PDE12: variants seen among roughly 807,000 people sequenced by gnomAD.
PDE12 encodes the protein 2',5'-phosphodiesterase 12.
PDE12 carries 26 observed loss-of-function variants against 45.4 expected under a neutral mutation model. The observed-to-expected ratio is 0.57, with a 90% confidence interval of 0.42 to 0.79. PDE12 has a LOEUF of 0.79. Ranked by LOEUF, PDE12 falls within the 30% of genes least tolerant of loss-of-function variation. PDE12 has a pLI of 0.00. For synonymous variants in PDE12, 283 were observed against 323.9 expected (o/e 0.87, Z 1.36); for missense variants, 668 against 790.0 (o/e 0.85, Z 1.85).
the PDE12 span, chr3:57,654,928 C>T: frequency 3.0e-6 from 1 of 337,884 alleles, no homozygotes; most frequent in South Asian, 1.2e-4. Flanking sequence ...AGCACAGTCA[C>T]AAATAAAGCA....
the PDE12 span, chr3:57,600,264 ATCTG>A: frequency 2.0e-5 from 3 of 152,282 alleles, no homozygotes; most frequent in African/African-American, 7.2e-5. Context: ...AGCTCAACCA[ATCTG>A]TCTGCCTTGG....
At position 57,560,137 on chromosome 3, in the gene PDE12, A is replaced by T. The variant is rs2069712079; in HGVS notation, c.*133A>T. 45 of 1,430,832 alleles carry T rather than the reference A, an allele frequency of 3.1e-5. No individual in the cohort carries two copies. Among genetic ancestry groups the T allele is most frequent in the Non-Finnish European group, 4.1e-5 (45 of 1,098,554 alleles). 88.6% of individuals were successfully genotyped at this position (1,430,832 alleles called of 1,614,324 possible). A position where few individuals can be genotyped will look rare whatever the true frequency, so the allele number is the denominator to read the frequency against. On this transcript the variant is annotated 3_prime_UTR_variant, in exon 3 of 3. Transcript: ENST00000311180. ...TTCAGCCCTCCTAGTTATGTTCCTG[A>T]TGTCTTCGTTATGAAACTGTTGATG... is the stretch of plus-strand genomic sequence containing the variant.
At chr3:57,643,232 A>C in the PDE12 span, among the ~76,000 whole-genome samples, 1 of 152,180 alleles carries the variant, frequency 6.6e-6, no homozygotes, top group East Asian at 1.9e-4. Context: ...ACAAAGGAGA[A>C]ATTTATGACA....
chr3:57,634,360 G>A, the PDE12 span, among the ~76,000 whole-genome samples: 22 of 151,634 alleles, frequency 1.5e-4, no homozygotes, highest in Middle Eastern at 3.4e-3. Context: ...TTGAACCCGG[G>A]AGGTGGAGGT....
chr3:57,564,288 C>T lies in PDE12; in HGVS notation c.*4284C>T, dbSNP rs1021663383. 3 of 152,130 alleles carry T rather than the reference C, an allele frequency of 2.0e-5. No individual in the cohort carries two copies. The highest frequency in any genetic ancestry group is 7.2e-5 in the African/African-American group (3 of 41,446). The allele number at this position is 152,130 out of a possible 1,614,324, so 9.4% of individuals were successfully genotyped here. A position where few individuals can be genotyped will look rare whatever the true frequency, so the allele number is the denominator to read the frequency against. ...TCTTAAATATAGTAAATCTGTTCAC[C>T]TATCTGCTATGCTAGCAAATTCTGG... On this transcript the variant is annotated 3_prime_UTR_variant, in exon 3 of 3. Transcript: ENST00000311180.
rs963995518 is a variant in PDE12, at chr3:57,561,382, A to G, written c.*1378A>G. 3.4e-5 allele frequency: 33 copies of G among 983,840 alleles called. No individual in the cohort carries two copies. The highest frequency in any genetic ancestry group is 4.7e-5 in the South Asian group (1 of 21,256). 60.9% of individuals were successfully genotyped at this position (983,840 alleles called of 1,614,324 possible). A position where few individuals can be genotyped will look rare whatever the true frequency, so the allele number is the denominator to read the frequency against. ...AAATAAAAAACTTCTTTTTACAGAC[A>G]AGCATTATAGTTTGAGTTACAGACA... On this transcript the variant is annotated 3_prime_UTR_variant, in exon 3 of 3. Transcript: ENST00000311180.
At chr3:57,559,035 A>G (rs982525068) in intron 1 of PDE12, among the ~76,000 whole-genome samples, 1 of 151,660 alleles carries the variant, frequency 6.6e-6, no homozygotes, top group African/African-American at 2.4e-5. Flanking sequence ...CCTGGCTAAC[A>G]CGATGAAACC....
the PDE12 span, among the ~76,000 whole-genome samples, chr3:57,622,259 A>C: frequency 6.6e-6 from 1 of 152,230 alleles, no homozygotes; most frequent in Non-Finnish European, 1.5e-5. Context: ...AAGTTACATA[A>C]TAAGCAAAAG....
chr3:57,644,009 G>A, the PDE12 span, among the ~76,000 whole-genome samples: 1 of 151,482 alleles, frequency 6.6e-6, no homozygotes, highest in African/African-American at 2.4e-5. Context: ...AATTAGCTGG[G>A]TGTGATAGTG....
At chr3:57,634,456 A>T in the PDE12 span, 1 of 528,356 alleles carries the variant, frequency 1.9e-6, no homozygotes, top group Non-Finnish European at 2.9e-6. Flanking sequence ...AAAAAAGGAG[A>T]GATCCTATTT....
chr3:57,557,030 T>G lies in PDE12; in HGVS notation c.651T>G (p.Ser217=). ...AGGTCGGTGTCCCCTCGTCATTGTC[T>G]CCCTCCTCACCTTCTTCTTCTTGGA... ...EPEVGVPSSL[S]PSSPSSSWTE... The change falls in exon 1 of 3, where the codon TCT becomes TCG. Residue 217 remains serine (S), a synonymous_variant. Transcript: ENST00000311180. 5 of 1,614,024 alleles carry G rather than the reference T, an allele frequency of 3.1e-6. No homozygotes were observed. Among genetic ancestry groups the G allele is most frequent in the Non-Finnish European group, 4.2e-6 (5 of 1,179,994 alleles).
the PDE12 span, chr3:57,654,726 T>A: frequency 2.0e-6 from 2 of 985,040 alleles, no homozygotes; most frequent in Non-Finnish European, 1.2e-6. Flanking sequence ...GGAATAGACC[T>A]TGACCTAGTG....
chr3:57,627,049 A>C, the PDE12 span: 2 of 152,230 alleles, frequency 1.3e-5, no homozygotes, highest in African/African-American at 2.4e-5. Context: ...AGTTTAAAAA[A>C]ATAGCTGATT....
chr3:57,624,743 G>A, the PDE12 span, among the ~76,000 whole-genome samples: 1 of 151,248 alleles, frequency 6.6e-6, no homozygotes, highest in South Asian at 2.1e-4. Flanking sequence ...CAACCTGGGT[G>A]ACAGTGCAAG....
chr3:57,592,532 G>A, the PDE12 span, among the ~76,000 whole-genome samples: 2 of 152,232 alleles, frequency 1.3e-5, no homozygotes, highest in East Asian at 1.9e-4. Flanking sequence ...CAACCAAACT[G>A]AAACTCAGGC....
At chr3:57,559,427 T>C (rs3732546) in intron 2 of PDE12, 39 bp downstream of exon 2, 242,293 of 1,559,874 alleles carry the variant, frequency 0.16, 19,663 homozygotes, top group South Asian at 0.22. Flanking sequence ...TTAAACACGC[T>C]TAAAGTTGTT....
chr3:57,558,781 C>T (rs1266026034), intron 1 of PDE12, among the ~76,000 whole-genome samples: 2 of 151,838 alleles, frequency 1.3e-5, no homozygotes, highest in African/African-American at 4.8e-5. Context: ...TGAGCCACCA[C>T]GCCCGGCCTA....
the PDE12 span, among the ~76,000 whole-genome samples, chr3:57,614,701 C>A: frequency 1.4e-3 from 219 of 151,400 alleles, no homozygotes; most frequent in African/African-American, 5.1e-3. Context: ...CCTGCCAACA[C>A]GCCCGGCTAA....
At chr3:57,629,058 G>A in the PDE12 span, among the ~76,000 whole-genome samples, 1 of 152,162 alleles carries the variant, frequency 6.6e-6, no homozygotes, top group Non-Finnish European at 1.5e-5. Context: ...TCTAATAACT[G>A]TTAGATAATT....
Sources: allele counts gnomAD v4.1 joint callset (sites outside exome capture counted in the v4.1 genomes callset), GRCh38; gene constraint gnomAD v4.1.1; transcripts MANE v1.5; gene names NCBI Gene and HGNC (gene_info 2026-07-23, HGNC 2026-07-21).